DLEC1: variants seen among roughly 807,000 people sequenced by gnomAD.
The protein encoded by DLEC1 is deleted in lung and esophageal cancer protein 1.
In DLEC1, 146 loss-of-function variants were observed where a neutral mutation model predicts 198.1. The ratio of observed to expected loss-of-function variants is 0.74; its 90% CI spans 0.64 to 0.85. The LOEUF is 0.85. DLEC1 is among the 40% of genes least tolerant of loss of function. The pLI, the probability that DLEC1 is intolerant of heterozygous loss-of-function variation, is 0.00. For missense variants in DLEC1, 2,233 were observed against 2,220.0 expected, an observed-to-expected ratio of 1.01 and a Z score of -0.12; for synonymous variants, 897 against 866.8, an observed-to-expected ratio of 1.03 and a Z score of -0.61.
At chr3:38,073,629 C>T (rs1266951664) in intron 6 of DLEC1, among the ~76,000 whole-genome samples, 1 of 151,914 alleles carries the variant, frequency 6.6e-6, no homozygotes, top group South Asian at 2.1e-4. Context: ...AATATCTCGG[C>T]CTAATAAGGG....
chr3:38,045,780 T>C (rs1326827331), intron 2 of DLEC1, 87 bp downstream of exon 2: 2 of 1,362,104 alleles, frequency 1.5e-6, no homozygotes, highest in East Asian at 5.1e-5. Context: ...CTCTCTAGGC[T>C]TTTTCTGGAT....
intron 1 of DLEC1, among the ~76,000 whole-genome samples, chr3:38,043,549 C>A (rs1485341338): frequency 6.6e-6 from 1 of 152,188 alleles, no homozygotes; most frequent in African/African-American, 2.4e-5. Flanking sequence ...TTCCATATAT[C>A]CTCATTCATA....
At position 38,062,306 on chromosome 3, in the gene DLEC1, G is replaced by A. The variant is rs1016538653; in HGVS notation, c.811G>A (p.Val271Met). ...GTTCGAAGATGAGTTAGACCACACT[G>A]TGGACAGCCTGACATGGAATTTAAC... ...AEFEDELDHT[V>M]DSLTWNLTPK... The change falls in exon 4 of 37, where the codon GTG (valine) becomes ATG (methionine). Residue 271 changes from valine (V) to methionine (M), a missense_variant. Coordinates refer to ENST00000308059, the MANE Select transcript of DLEC1 (RefSeq NM_007335.4). 6.2e-7 allele frequency: 1 copy of A among 1,614,234 alleles called. No individual in the cohort carries two copies. Among genetic ancestry groups the A allele is most frequent in the Non-Finnish European group, 8.5e-7 (1 of 1,180,048 alleles).
In DLEC1 at chr3:38,111,689, T is replaced by C. The variant is rs1559458587; in HGVS notation, c.3456T>C (p.Pro1152=). The C allele has an allele frequency of 6.2e-7, 1 of 1,613,386 alleles. No individual in the cohort carries two copies. Among genetic ancestry groups the C allele is most frequent in the Non-Finnish European group, 8.5e-7 (1 of 1,179,666 alleles). The change falls in exon 24 of 37, where the codon CCT becomes CCC. Residue 1152 remains proline (P), a synonymous_variant. Coordinates refer to ENST00000308059, the MANE Select transcript of DLEC1 (RefSeq NM_007335.4). ...LSKKTSLPNM[P]PALLKTVRMQ... The stretch of plus-strand genomic sequence containing the variant: ...TCCACTTGTAAAGTCCCAACATGCC[T>C]CCTGCCCTGCTAAAGACAGTGCGGA...
At position 38,039,646 on chromosome 3, in the gene DLEC1, C is replaced by CTTAAGACCACGTGTCTTAA; in HGVS notation, c.411+10_411+11insTTAAGACCACGTGTCTTAA. ...GGACCAGCTGCAGCAGGTAACGTGG[C>CTTAAGACCACGTGTCTTAA]GGTGGCGTCGCGTCTGCGGACGGTG... On this transcript the variant is annotated intron_variant, in intron 1 of 36. Transcript: ENST00000308059. The CTTAAGACCACGTGTCTTAA allele has an allele frequency of 6.3e-7, 1 of 1,587,112 alleles. No individual in the cohort carries two copies. Among genetic ancestry groups the CTTAAGACCACGTGTCTTAA allele is most frequent in the South Asian group, 1.1e-5 (1 of 88,668 alleles).
At chr3:38,084,542 A>AGTAGTAGTAGTGGTTGTGGTG (rs1698312149) in intron 7 of DLEC1, among the ~76,000 whole-genome samples, 6 of 718 alleles carry the variant, frequency 8.4e-3, no homozygotes, top group Non-Finnish European at 0.02. Flanking sequence ...TGGTGGTGGT[A>AGTAGTAGTAGTGGTTGTGGTG]GTAGTAGTGG....
In DLEC1 at chr3:38,117,961, G is replaced by A. The variant is rs757549667; in HGVS notation, c.4641G>A (p.Glu1547=). The A allele has an allele frequency of 3.1e-6, 5 of 1,613,892 alleles. No homozygotes were observed. In the Admixed American group the frequency reaches 6.7e-5, roughly 22 times the overall value. Residue 1547 remains glutamate, a synonymous_variant, in exon 33 of 37, where the codon GAG becomes GAA. Coordinates refer to ENST00000308059, the MANE Select transcript of DLEC1 (RefSeq NM_007335.4). ...CTCCTGGCCCTGGCCAGAAGCAGGA[G>A]TGTGAGGAGGAGACAGCCTCAGCGG... ...HRAPGPGQKQ[E]CEEETASADK... is the part of the protein sequence containing the mutation.
chr3:38,060,230 G>A (rs937963449), intron 3 of DLEC1, among the ~76,000 whole-genome samples: 4 of 152,232 alleles, frequency 2.6e-5, no homozygotes, highest in Non-Finnish European at 5.9e-5. Context: ...TCCCATGCAG[G>A]AAAAGAGCAG....
chr3:38,108,007 T>A (rs557560300), intron 20 of DLEC1, among the ~76,000 whole-genome samples: 3 of 152,314 alleles, frequency 2.0e-5, no homozygotes, highest in Admixed American at 2.0e-4. Context: ...CCAGCCAACA[T>A]AGCCCATGAC....
At chr3:38,043,054 G>T (rs1015716105) in intron 1 of DLEC1, among the ~76,000 whole-genome samples, 1 of 152,044 alleles carries the variant, frequency 6.6e-6, no homozygotes, top group Non-Finnish European at 1.5e-5. Flanking sequence ...AGATAACCCC[G>T]TTGGCAGCTG....
intron 16 of DLEC1, 34 bp downstream of exon 16, chr3:38,097,309 G>T: frequency 6.4e-7 from 1 of 1,557,778 alleles, no homozygotes; most frequent in Non-Finnish European, 8.7e-7. Context: ...GTTGTGACCT[G>T]CCTGGGGCTG....
chr3:38,048,234 C>A (rs1196123485), intron 2 of DLEC1, among the ~76,000 whole-genome samples: 2 of 152,186 alleles, frequency 1.3e-5, no homozygotes, highest in Non-Finnish European at 2.9e-5. Flanking sequence ...TGGAATCAGC[C>A]ATTTCTTCAA....
At chr3:38,041,566 C>T (rs534882807) in intron 1 of DLEC1, among the ~76,000 whole-genome samples, 2 of 152,024 alleles carry the variant, frequency 1.3e-5, no homozygotes, top group African/African-American at 2.4e-5. Context: ...TACAACTATG[C>T]GGCCGGGCGT....
At chr3:38,065,187 A>T (rs192330932) in intron 6 of DLEC1, among the ~76,000 whole-genome samples, 63 of 152,326 alleles carry the variant, frequency 4.1e-4, no homozygotes, top group African/African-American at 1.4e-3. Context: ...AAAACACGAA[A>T]ACCAGTCATG....
At chr3:38,065,611 T>A (rs1290807293) in intron 6 of DLEC1, among the ~76,000 whole-genome samples, 2 of 152,272 alleles carry the variant, frequency 1.3e-5, no homozygotes, top group Non-Finnish European at 2.9e-5. Context: ...AAGGAAAATA[T>A]GATATCATGT....
At chr3:38,086,731 T>C (rs1211526909) in intron 9 of DLEC1, among the ~76,000 whole-genome samples, 2 of 152,196 alleles carry the variant, frequency 1.3e-5, no homozygotes, top group Non-Finnish European at 2.9e-5. Context: ...CAAATTCTGC[T>C]GGTATTTGTT....
At position 38,122,497 on chromosome 3, in the gene DLEC1, C is replaced by A. The variant is rs753603049; in HGVS notation, c.*85C>A. 6.2e-7 allele frequency: 1 copy of A among 1,612,896 alleles called. No homozygotes were observed. Among genetic ancestry groups the A allele is most frequent in the African/African-American group, 1.3e-5 (1 of 74,894 alleles). On this transcript the variant is annotated 3_prime_UTR_variant, in exon 37 of 37. Transcript: ENST00000308059. ...TAGGAGCAGCTCTTCAGCACAAAGA[C>A]ACAGACTTGGGGACCTGGGGACCTC... is the stretch of plus-strand genomic sequence containing the variant.
In DLEC1 at chr3:38,039,288, G is replaced by A; in HGVS notation, c.63G>A (p.Gly21=). ...CGTCCCGGACCAACGAGTGCCAGGG[G>A]ACAATGTGGGCGCCAACTTCGCCAC... ...SLASRTNECQ[G]TMWAPTSPPA... Residue 21 remains glycine, a synonymous_variant, in exon 1 of 37, where the codon GGG becomes GGA. Transcript: ENST00000308059. 2 of 1,614,172 alleles carry A rather than the reference G, an allele frequency of 1.2e-6. No individual in the cohort carries two copies. The highest frequency in any genetic ancestry group is 1.7e-6 in the Non-Finnish European group (2 of 1,180,010).
At chr3:38,097,351 C>T in intron 16 of DLEC1, 76 bp downstream of exon 16, 1 of 1,536,936 alleles carries the variant, frequency 6.5e-7, no homozygotes, top group Non-Finnish European at 8.8e-7. Context: ...GTTAAAGGGG[C>T]TTATGCAGGG....
Sources: gnomAD v4.1 joint callset for allele counts (sites outside exome capture counted in the v4.1 genomes callset) on GRCh38, gnomAD v4.1.1 for gene constraint, MANE v1.5 for transcripts, NCBI Gene and HGNC (gene_info 2026-07-23, HGNC 2026-07-21) for gene names.